The following MSS51 variants were observed in gnomAD, a reference collection of about 807,000 sequenced individuals.
The protein encoded by MSS51 is putative protein MSS51 homolog, mitochondrial.
In MSS51, 32 loss-of-function variants were observed where a neutral mutation model predicts 40.2. The ratio of observed to expected loss-of-function variants is 0.80; its 90% confidence interval spans 0.60 to 1.07. The LOEUF (loss-of-function observed/expected upper bound fraction) is 1.07. MSS51 is among the 50% of genes least tolerant of loss of function. The probability of loss-of-function intolerance (pLI) is 0.00; values close to 1 mark genes in which losing one functional copy is unlikely to be tolerated. For synonymous variants in MSS51, 178 were observed against 214.2 expected, an observed-to-expected ratio of 0.83 and a Z score of 1.48; for missense variants, 518 against 568.9, an observed-to-expected ratio of 0.91 and a Z score of 0.91.
chr10:73,428,114 T>A lies in MSS51; in HGVS notation c.171A>T (p.Leu57=). 6.2e-7 allele frequency: 1 copy of A among 1,614,156 alleles called. No individual in the cohort carries two copies. The highest frequency in any genetic ancestry group is 1.3e-5 in the African/African-American group (1 of 75,032). Residue 57 remains leucine, a synonymous_variant, in exon 2 of 7, where the codon CTA becomes CTT. Transcript: ENST00000299432. Reference sequence around the variant, plus strand: ...TCAGCTTTTGAAGGATCAGCTGCGATAGGCCAGGAACATTATCATCCAAGG... The same window carrying A: ...TCAGCTTTTGAAGGATCAGCTGCGAAAGGCCAGGAACATTATCATCCAAGG... ...FFSLDDNVPG[L]SQLILQKLNM...
intron 1 of MSS51, among the ~76,000 whole-genome samples, chr10:73,430,131 A>G (rs1485473281): frequency 1.3e-5 from 2 of 152,256 alleles, no homozygotes; most frequent in African/African-American, 4.8e-5. Flanking sequence ...TTAAAGTATA[A>G]AGACCTAAAC....
chr10:73,428,029 C>A (rs984155376), intron 2 of MSS51, 35 bp downstream of exon 2: 2 of 1,589,094 alleles, frequency 1.3e-6, no homozygotes, highest in Admixed American at 1.7e-5. Flanking sequence ...CTACCAGAGA[C>A]AATATATCCC....
rs538215207 is a variant in MSS51 at position 73,426,298 on chromosome 10, C to G, written c.582G>C (p.Lys194Asn). ...CCAATGTAGCATCTAGGTGTAACCC[C>G]TTCATAGAAAACCAGGAGTCCCAGT... ...VQDWDSWFSM[K>N]GLHLDATLDA... Residue 194 changes from lysine to asparagine, a missense_variant, in exon 5 of 7, where the codon AAG becomes AAC. Lys to Asn is a moderately conservative substitution (Grantham distance 94, BLOSUM62 0). Coordinates refer to ENST00000299432, the MANE Select transcript of MSS51 (RefSeq NM_001024593.2). 1.5e-4 allele frequency: 244 copies of G among 1,608,104 alleles called. No homozygotes were observed. Among genetic ancestry groups the G allele is most frequent in the Non-Finnish European group, 2.0e-4 (239 of 1,180,020 alleles).
In MSS51 at chr10:73,428,111, C is replaced by A. The variant is rs147992758; in HGVS notation, c.174G>T (p.Ser58=). 656 of 1,613,992 alleles carry A rather than the reference C, an allele frequency of 4.1e-4. No individual in the cohort carries two copies. In the African/African-American group the frequency reaches 7.9e-3, roughly 19 times the overall value. Reference sequence around the variant, plus strand: ...TGTTCAGCTTTTGAAGGATCAGCTGCGATAGGCCAGGAACATTATCATCCA... The same window carrying A: ...TGTTCAGCTTTTGAAGGATCAGCTGAGATAGGCCAGGAACATTATCATCCA... The part of the protein sequence containing the change: ...FSLDDNVPGL[S]QLILQKLNMK... Residue 58 remains serine (S), a synonymous_variant, in exon 2 of 7, where the codon TCG becomes TCT. Coordinates refer to ENST00000299432, the MANE Select transcript of MSS51 (RefSeq NM_001024593.2).
intron 2 of MSS51, 32 bp from the exon 3 acceptor site, chr10:73,427,800 T>C (rs768217899): frequency 4.4e-6 from 7 of 1,607,538 alleles, no homozygotes; most frequent in Non-Finnish European, 5.1e-6. Flanking sequence ...GGAATGACAA[T>C]GGGGAAAGGA....
In MSS51 at chr10:73,427,705, G is replaced by C; in HGVS notation, c.285C>G (p.Phe95Leu). ...ATCGAAATGTGTCTTCCATCCTCTGGAACATTTCTTGAGGACATCGAAATC... is the reference window on the plus strand; with the variant it reads ...ATCGAAATGTGTCTTCCATCCTCTGCAACATTTCTTGAGGACATCGAAATC... ...GFGFRCPQEM[F>L]QRMEDTFRFC... is the part of the protein sequence containing the mutation. The change falls in exon 3 of 7, where the codon TTC becomes TTG. Residue 95 changes from phenylalanine (F) to leucine (L), a missense_variant. Transcript: ENST00000299432. 1 of 1,614,158 alleles carries C rather than the reference G, an allele frequency of 6.2e-7. No individual in the cohort carries two copies. The highest frequency in any genetic ancestry group is 8.5e-7 in the Non-Finnish European group (1 of 1,180,024).
chr10:73,428,931 G>A (rs891119325), intron 1 of MSS51, among the ~76,000 whole-genome samples: 3 of 151,952 alleles, frequency 2.0e-5, no homozygotes, highest in East Asian at 1.9e-4. Flanking sequence ...ACAGCTGGGC[G>A]TGGTGGCTCA....
rs2056002880 is a variant in MSS51 at position 73,428,102 on chromosome 10, G to C, written c.183C>G (p.Ile61Met). The part of the protein sequence containing the change: ...DDNVPGLSQL[I>M]LQKLNMKSYE... ...AGCTTTTCATGTTCAGCTTTTGAAGGATCAGCTGCGATAGGCCAGGAACAT... is the reference window on the plus strand; with the variant it reads ...AGCTTTTCATGTTCAGCTTTTGAAGCATCAGCTGCGATAGGCCAGGAACAT... The change falls in exon 2 of 7, where the codon ATC becomes ATG. Residue 61 changes from isoleucine to methionine, a missense_variant. By Grantham distance (10) the Ile-to-Met change is conservative. Transcript: ENST00000299432. 6 of 1,614,012 alleles carry C rather than the reference G, an allele frequency of 3.7e-6. No individual in the cohort carries two copies. Among genetic ancestry groups the C allele is most frequent in the African/African-American group, 1.3e-5 (1 of 74,972 alleles).
chr10:73,428,762 C>T (rs1208758527), intron 1 of MSS51, among the ~76,000 whole-genome samples: 2 of 151,904 alleles, frequency 1.3e-5, no homozygotes, highest in Non-Finnish European at 2.9e-5. Context: ...GCCAGGATTA[C>T]AGGCTTGAGC....
Position 73,427,687 on chromosome 10 carries a change from T to C in MSS51, c.303A>G (p.Thr101=). Residue 101 remains threonine, a synonymous_variant, in exon 3 of 7, where the codon ACA becomes ACG. Coordinates refer to ENST00000299432, the MANE Select transcript of MSS51 (RefSeq NM_001024593.2). The part of the protein sequence containing the change: ...PQEMFQRMED[T]FRFCAHCRAL... ...CTCTACAGTGAGCACAGAATCGAAA[T>C]GTGTCTTCCATCCTCTGGAACATTT... 6.2e-7 allele frequency: 1 copy of C among 1,614,224 alleles called. No individual in the cohort carries two copies. Among genetic ancestry groups the C allele is most frequent in the South Asian group, 1.1e-5 (1 of 91,086 alleles).
intron 3 of MSS51, among the ~76,000 whole-genome samples, chr10:73,427,122 A>G (rs2055995088): frequency 6.6e-6 from 1 of 152,098 alleles, no homozygotes; most frequent in Non-Finnish European, 1.5e-5. Flanking sequence ...TTCTTGTCTC[A>G]CTTCCCAATA....
In MSS51 at chr10:73,424,087, C is replaced by G. The variant is rs1168143776; in HGVS notation, c.*466G>C. 2 of 165,842 alleles carry G rather than the reference C, an allele frequency of 1.2e-5. No individual in the cohort carries two copies. Among genetic ancestry groups the G allele is most frequent in the Admixed American group, 5.7e-5 (1 of 17,624 alleles). 10.3% of individuals were successfully genotyped at this position (165,842 alleles called of 1,614,324 possible). ...CTACTGTGGCTAAACTCTTAGAAAC[C>G]AGTTACATTGGCTGGGCATGGTGGC... On this transcript the variant is annotated 3_prime_UTR_variant, in exon 7 of 7. Transcript: ENST00000299432.
chr10:73,424,775 G>A lies in MSS51; in HGVS notation c.1164-3C>T, dbSNP rs777014381. Reference sequence around the variant, plus strand: ...AAGAGGATACCAACTCCTGATGGCTGTAGAAGAGAGAGAAGAAAAATTACT... The same window carrying A: ...AAGAGGATACCAACTCCTGATGGCTATAGAAGAGAGAGAAGAAAAATTACT... On this transcript the variant is annotated splice_region_variant and splice_polypyrimidine_tract_variant and intron_variant, in intron 6 of 6. Coordinates refer to ENST00000299432, the MANE Select transcript of MSS51 (RefSeq NM_001024593.2). The A allele has an allele frequency of 6.2e-7, 1 of 1,608,668 alleles. No individual in the cohort carries two copies. Among genetic ancestry groups the A allele is most frequent in the Non-Finnish European group, 8.5e-7 (1 of 1,175,044 alleles).
rs2132721637 is a variant in MSS51 at position 73,426,294 on chromosome 10, A to C, written c.586T>G (p.Leu196Val). Residue 196 changes from leucine to valine, a missense_variant, in exon 5 of 7, where the codon TTA (leucine) becomes GTA (valine). Physicochemically the swap from Leu to Val is conservative, Grantham distance 32. Transcript: ENST00000299432. ...DWDSWFSMKG[L>V]HLDATLDAVL... Reference sequence around the variant, plus strand: ...GCATCCAATGTAGCATCTAGGTGTAACCCCTTCATAGAAAACCAGGAGTCC... The same window carrying C: ...GCATCCAATGTAGCATCTAGGTGTACCCCCTTCATAGAAAACCAGGAGTCC... The C allele has an allele frequency of 6.2e-7, 1 of 1,608,720 alleles. No individual in the cohort carries two copies. The highest frequency in any genetic ancestry group is 1.7e-5 in the Admixed American group (1 of 60,014).
chr10:73,424,605 G>A lies in MSS51; in HGVS notation c.1331C>T (p.Ser444Phe). The A allele has an allele frequency of 6.2e-7, 1 of 1,614,118 alleles. No individual in the cohort carries two copies. The highest frequency in any genetic ancestry group is 2.2e-5 in the East Asian group (1 of 44,888). Residue 444 changes from serine (S) to phenylalanine (F), a missense_variant, in exon 7 of 7, where the codon TCC (serine) becomes TTC (phenylalanine). Transcript: ENST00000299432. ...SAYYIMFLGS[S>F]CQLDNRQLEE... ...TAATTGCCTATTATCCAGCTGACAG[G>A]AGCTTCCAAGAAACATGATATAGTA...
At position 73,425,794 on chromosome 10, in the gene MSS51, G is replaced by A. The variant is rs777998192; in HGVS notation, c.1069+17C>T. The A allele has an allele frequency of 1.3e-6, 2 of 1,598,456 alleles. No homozygotes were observed. The highest frequency in any genetic ancestry group is 1.3e-5 in the African/African-American group (1 of 74,588). ...CAGGGGAGCCACCCTCTATTCCCCT[G>A]AACCAATGACTCTTACCTGGATGGA... On this transcript the variant is annotated intron_variant, in intron 5 of 6. Transcript: ENST00000299432.
chr10:73,425,146 A>T lies in MSS51; in HGVS notation c.1115T>A (p.Leu372Gln), dbSNP rs777912286. 1 of 1,608,604 alleles carries T rather than the reference A, an allele frequency of 6.2e-7. No individual in the cohort carries two copies. The change falls in exon 6 of 7, where the codon CTG (leucine) becomes CAG (glutamine). Residue 372 changes from leucine to glutamine, a missense_variant. Coordinates refer to ENST00000299432, the MANE Select transcript of MSS51 (RefSeq NM_001024593.2). ...AATCTTATAGTCACGAAGTAGCAGC[A>T]GGGTGGGCAGCCAAGCCTCCATCAA... ...PDLMEAWLPTLLLLRDYKIPT... is the reference protein window; with the variant it reads ...PDLMEAWLPTQLLLRDYKIPT...
At position 73,425,937 on chromosome 10, in the gene MSS51, T is replaced by G; in HGVS notation, c.943A>C (p.Thr315Pro). The part of the protein sequence containing the change: ...VATGFSQSTS[T>P]SPLEPGTIQL... ...ATTGTGCCAGGTTCCAGGGGTGAAG[T>G]TGAGGTGCTCTGTGAAAAGCCAGTA... Residue 315 changes from threonine to proline, a missense_variant, in exon 5 of 7, where the codon ACT (threonine) becomes CCT (proline). Physicochemically the swap from Thr to Pro is conservative, Grantham distance 38 (BLOSUM62 -1). Coordinates refer to ENST00000299432, the MANE Select transcript of MSS51 (RefSeq NM_001024593.2). 6.2e-7 allele frequency: 1 copy of G among 1,614,172 alleles called. No homozygotes were observed. The highest frequency in any genetic ancestry group is 8.5e-7 in the Non-Finnish European group (1 of 1,180,026).
In MSS51 at chr10:73,425,834, T is replaced by A. The variant is rs930436096; in HGVS notation, c.1046A>T (p.Asp349Val). The A allele has an allele frequency of 1.2e-6, 2 of 1,613,580 alleles. No homozygotes were observed. Among genetic ancestry groups the A allele is most frequent in the Admixed American group, 1.7e-5 (1 of 59,974 alleles). The change falls in exon 5 of 7, where the codon GAT becomes GTT. Residue 349 changes from aspartate to valine, a missense_variant. Coordinates refer to ENST00000299432, the MANE Select transcript of MSS51 (RefSeq NM_001024593.2). Reference protein sequence around the residue: ...QVETGQTHHPDLVAAFHPGFH... With the variant: ...QVETGQTHHPVLVAAFHPGFH... ...ACCTGGATGGAATGCCGCCACCAAA[T>A]CTGGATGGTGTGTCTGCCCGGTCTC... is the stretch of plus-strand genomic sequence containing the variant.
Sources: allele counts gnomAD v4.1 joint callset (sites outside exome capture counted in the v4.1 genomes callset), GRCh38; gene constraint gnomAD v4.1.1; transcripts MANE v1.5; gene names NCBI Gene and HGNC (gene_info 2026-07-23, HGNC 2026-07-21).